Variants in SLC6A16 observed in about 807,000 individuals in gnomAD.
The protein encoded by SLC6A16 is solute carrier family 6 member 16.
In SLC6A16, 54 loss-of-function variants were observed where a neutral mutation model predicts 65.4. That is an observed-to-expected ratio of 0.83 (90% CI 0.66 to 1.04). The LOEUF is 1.04. Ranked by LOEUF, SLC6A16 falls within the 50% of genes least tolerant of loss-of-function variation. SLC6A16 has a pLI of 0.00. For synonymous variants in SLC6A16, 330 were observed against 346.5 expected, an observed-to-expected ratio of 0.95 and a Z score of 0.53; for missense variants, 816 against 914.0, an observed-to-expected ratio of 0.89 and a Z score of 1.38.
chr19:49,313,570 A>G (rs1454606694), intron 1 of SLC6A16, among the ~76,000 whole-genome samples: 1 of 148,322 alleles, frequency 6.7e-6, no homozygotes, highest in East Asian at 2.0e-4. Context: ...ACTTGAGGTC[A>G]GGAGTTTGAG....
At chr19:49,325,401 C>T (rs1970784497), upstream of SLC6A16, among the ~76,000 whole-genome samples, 1 of 152,228 alleles carries the variant, frequency 6.6e-6, no homozygotes, top group Non-Finnish European at 1.5e-5. Context: ...CACGATGCCA[C>T]GCTTCAGGCG....
rs750751540 is a variant in SLC6A16, at chr19:49,309,441, C to T, written c.877-30G>A. The stretch of plus-strand genomic sequence containing the variant: ...ATCGAGAGTGGGACATATCAGCAAC[C>T]GTGTACCAGTAGGGGTCAACCAACA... On this transcript the variant is annotated intron_variant, in intron 5 of 11. Transcript: ENST00000335875. The T allele has an allele frequency of 7.0e-5, 107 of 1,536,016 alleles. No homozygotes were observed. The South Asian group carries it at 8.0e-4, about 11-fold the overall frequency.
chr19:49,311,057 ACTCT>A lies in SLC6A16; in HGVS notation c.287_290del (p.Glu96ValfsTer25). 6.2e-7 allele frequency: 1 copy of A among 1,613,882 alleles called. No homozygotes were observed. The highest frequency in any genetic ancestry group is 1.1e-5 in the South Asian group (1 of 91,066). On this transcript the variant is annotated frameshift_variant, in exon 2 of 12. Coordinates refer to ENST00000335875, the MANE Select transcript of SLC6A16 (RefSeq NM_014037.3). LOFTEE classifies it high-confidence loss of function. ...AGAACGGACGGGCAAGGAGGACCTC[ACTCT>A]CTTTCTTCTCTGTCATCTGCACCTT...
chr19:49,336,727 A>G, the SLC6A16 span: 1 of 597,886 alleles, frequency 1.7e-6, no homozygotes, highest in Non-Finnish European at 2.9e-6. Flanking sequence ...GGGACGGGAA[A>G]CAGGCCCAGA....
Position 49,290,023 on chromosome 19 carries a change from G to T in SLC6A16, c.*100C>A. ...TGCCCCTCCTCTTGGAAATAAAAGT[G>T]GTTCTGGATCCAGGGAGATCAACAG... On this transcript the variant is annotated 3_prime_UTR_variant, in exon 12 of 12. Transcript: ENST00000335875. 1 of 1,248,720 alleles carries T rather than the reference G, an allele frequency of 8.0e-7. No individual in the cohort carries two copies. The highest frequency in any genetic ancestry group is 1.1e-6 in the Non-Finnish European group (1 of 897,122). The allele number at this position is 1,248,720 out of a possible 1,614,324, so 77.4% of individuals were successfully genotyped here.
chr19:49,337,784 T>C, the SLC6A16 span: 1 of 1,544,046 alleles, frequency 6.5e-7, no homozygotes, highest in Non-Finnish European at 8.7e-7. Flanking sequence ...AAGACAGACC[T>C]GAAGTACACA....
chr19:49,313,110 C>T (rs1268671898), intron 1 of SLC6A16, among the ~76,000 whole-genome samples: 1 of 142,064 alleles, frequency 7.0e-6, no homozygotes, highest in African/African-American at 2.9e-5. Context: ...ATGATGGCTA[C>T]AAATATGTTT....
the SLC6A16 span, chr19:49,337,517 G>A: frequency 1.4e-6 from 1 of 739,652 alleles, no homozygotes; most frequent in African/African-American, 1.8e-5. Context: ...AGCTACTTGG[G>A]AGGTCGAGGT....
the SLC6A16 span, chr19:49,339,584 A>C: frequency 1.4e-6 from 2 of 1,451,952 alleles, no homozygotes; most frequent in African/African-American, 1.4e-5. This position sits in a 1 kb window ranked among gnomAD's most constrained non-coding sequence, Gnocchi z 4.5. Context: ...GCCCAGCTTC[A>C]GGGAGCCCTG....
intron 7 of SLC6A16, among the ~76,000 whole-genome samples, chr19:49,304,123 A>C (rs1037820924): frequency 6.6e-6 from 1 of 152,368 alleles, no homozygotes; most frequent in Non-Finnish European, 1.5e-5. Context: ...AATATGAATG[A>C]TTGATCAGTG....
At chr19:49,306,779 T>C (rs889908817) in intron 7 of SLC6A16, among the ~76,000 whole-genome samples, 2 of 152,050 alleles carry the variant, frequency 1.3e-5, no homozygotes, top group African/African-American at 4.8e-5. Flanking sequence ...CCTGACCTCG[T>C]GATCCATCTG....
At position 49,290,188 on chromosome 19, in the gene SLC6A16, G is replaced by C. The variant is rs558366458; in HGVS notation, c.2146C>G (p.Gln716Glu). The C allele has an allele frequency of 2.5e-6, 4 of 1,613,994 alleles. No individual in the cohort carries two copies. The highest frequency in any genetic ancestry group is 1.6e-4 in the Middle Eastern group (1 of 6,082). The change falls in exon 12 of 12, where the codon CAA (glutamine) becomes GAA (glutamate). Residue 716 changes from glutamine to glutamate, a missense_variant. Transcript: ENST00000335875. ...TCAACTTGTAGAATTTCTTCCTTTT[G>C]AACCTCTTTACTGGGTGTTAGCTGG... is the stretch of plus-strand genomic sequence containing the variant. Reference protein sequence around the residue: ...SHQLTPSKEVQKEEILQVDET... With the variant: ...SHQLTPSKEVEKEEILQVDET...
the SLC6A16 span, among the ~76,000 whole-genome samples, chr19:49,333,694 G>C: frequency 2.0e-5 from 3 of 152,138 alleles, no homozygotes; most frequent in African/African-American, 7.2e-5. Flanking sequence ...CAGAGAAGAG[G>C]GGTGGAGTGG....
chr19:49,339,548 C>A, the SLC6A16 span: 7 of 1,474,100 alleles, frequency 4.7e-6, no homozygotes, highest in East Asian at 1.4e-4. This position sits in a 1 kb window ranked among gnomAD's most constrained non-coding sequence, Gnocchi z 4.5. Context: ...TCCCGCCGCT[C>A]CACCCAGCAC....
rs1970037160 is a variant in SLC6A16 at position 49,289,651 on chromosome 19, G to GT, written c.*471dup. ...AACCTCTTTTTGTTCCCAGTTTCAG[G>GT]TATGTCTTTATTAGCAGTGTGAAAA... On this transcript the variant is annotated 3_prime_UTR_variant, in exon 12 of 12. Coordinates refer to ENST00000335875, the MANE Select transcript of SLC6A16 (RefSeq NM_014037.3). 3 of 168,846 alleles carry GT rather than the reference G, an allele frequency of 1.8e-5. No individual in the cohort carries two copies. Among genetic ancestry groups the GT allele is most frequent in the South Asian group, 3.5e-4 (2 of 5,794 alleles). 10.5% of individuals were successfully genotyped at this position (168,846 alleles called of 1,614,324 possible). A position where few individuals can be genotyped will look rare whatever the true frequency, so the allele number is the denominator to read the frequency against.
chr19:49,334,875 T>C, the SLC6A16 span, among the ~76,000 whole-genome samples: 2 of 151,960 alleles, frequency 1.3e-5, no homozygotes, highest in South Asian at 4.1e-4. Flanking sequence ...AGTGAGACCC[T>C]GTCTCAAAAA....
intron 1 of SLC6A16, among the ~76,000 whole-genome samples, chr19:49,315,729 G>C (rs1409695049): frequency 6.6e-6 from 1 of 151,978 alleles, no homozygotes; most frequent in Non-Finnish European, 1.5e-5. Flanking sequence ...ACAATACAAT[G>C]ATGATTTACG....
At chr19:49,293,513 C>G in intron 9 of SLC6A16, 131 bp from the exon 10 acceptor site, 1 of 846,094 alleles carries the variant, frequency 1.2e-6, no homozygotes. Context: ...ATGTGTAATC[C>G]AAGCATTTTG....
chr19:49,339,478 C>T, the SLC6A16 span: 2 of 1,560,436 alleles, frequency 1.3e-6, no homozygotes, highest in Non-Finnish European at 8.8e-7. This position sits in a 1 kb window ranked among gnomAD's most constrained non-coding sequence, Gnocchi z 4.5. Flanking sequence ...CCCTTCATTT[C>T]GCGTCCTTCG....
Sources: gnomAD v4.1 joint callset for allele counts (sites outside exome capture counted in the v4.1 genomes callset) on GRCh38, gnomAD v4.1.1 for gene constraint, Gnocchi (gnomAD v3.1) non-coding constraint, MANE v1.5 for transcripts, NCBI Gene and HGNC (gene_info 2026-07-23, HGNC 2026-07-21) for gene names.